The following GRAMD1B variants were observed in gnomAD, a reference collection of about 807,000 sequenced individuals.
The protein encoded by GRAMD1B is GRAM domain containing 1B.
In GRAMD1B, 37 loss-of-function variants were observed where a neutral mutation model predicts 99.7. The observed-to-expected ratio is 0.37, with a 90% confidence interval of 0.29 to 0.49. The LOEUF (loss-of-function observed/expected upper bound fraction) is 0.49. Among genes scored for constraint, GRAMD1B ranks in the 20% least tolerant of loss-of-function variants. GRAMD1B has a pLI of 0.98. For synonymous variants in GRAMD1B, 427 were observed against 387.6 expected, an observed-to-expected ratio of 1.10 and a Z score of -1.19; for missense variants, 888 against 1,009.2, an observed-to-expected ratio of 0.88 and a Z score of 1.63.
chr11:123,622,537 G>C lies in GRAMD1B; in HGVS notation c.2576G>C (p.Gly859Ala). 1 of 1,558,570 alleles carries C rather than the reference G, an allele frequency of 6.4e-7. No homozygotes were observed. The highest frequency in any genetic ancestry group is 1.7e-4 in the Middle Eastern group (1 of 5,998). Reference sequence around the variant, plus strand: ...GACTCGCTCATCAACCTTCAGAACGGCATCAGGTCCCGCGACTACACGTCG... The same window carrying C: ...GACTCGCTCATCAACCTTCAGAACGCCATCAGGTCCCGCGACTACACGTCG... ...MKDSLINLQN[G>A]IRSRDYTSES... The change falls in exon 20 of 20, where the codon GGC (glycine) becomes GCC (alanine). Residue 859 changes from glycine (G) to alanine (A), a missense_variant. By Grantham distance (60) the Gly-to-Ala change is moderately conservative (BLOSUM62 0). Transcript: ENST00000635736.
intron 1 of GRAMD1B, among the ~76,000 whole-genome samples, chr11:123,456,920 A>G (rs2714037): frequency 2.4e-5 from 1 of 41,506 alleles, no homozygotes; most frequent in South Asian, 5.3e-4. Flanking sequence ...ACTCTGTCTC[A>G]AAAAAAAAAA....
chr11:123,367,913 G>C (rs1252795793), intron 1 of GRAMD1B, among the ~76,000 whole-genome samples: 1 of 152,054 alleles, frequency 6.6e-6, no homozygotes, highest in Non-Finnish European at 1.5e-5. Context: ...TTAAAGAATA[G>C]TCATCAAAAT....
In GRAMD1B at chr11:123,527,791, G is replaced by A. The variant is rs79951004; in HGVS notation, c.452+46898G>A. Among the ~76,000 whole-genome samples the A allele has an allele frequency of 2.1e-4, 32 of 152,176 alleles. No homozygotes were observed. In the East Asian group the frequency reaches 5.2e-3, roughly 25 times the overall value. ...CCTGCTGTCAGCACACCCAACTTGG[G>A]GCTGAGGGGTAGCTTGGCTGTCATT... On this transcript the variant is annotated intron_variant, in intron 2 of 19. Transcript: ENST00000635736.
At chr11:123,569,816 A>G (rs1466229632) in intron 2 of GRAMD1B, among the ~76,000 whole-genome samples, 1 of 152,246 alleles carries the variant, frequency 6.6e-6, no homozygotes, top group Non-Finnish European at 1.5e-5. Flanking sequence ...GGGACTAGTC[A>G]TCAGCGTTTA....
intron 7 of GRAMD1B, chr11:123,598,567 G>C: frequency 6.4e-7 from 1 of 1,554,560 alleles, no homozygotes; most frequent in Non-Finnish European, 8.9e-7. Context: ...GAGGTATCAA[G>C]TGACTCTAGG....
Position 123,573,204 on chromosome 11 carries a change from T to A in GRAMD1B, c.453-4163T>A, listed in dbSNP as rs1325325874. On this transcript the variant is annotated intron_variant, in intron 2 of 19. Transcript: ENST00000635736. ...TAGACCCCGATGGCTGAGGCAGAGGTGCACTGGAAATGTAGCCAGTGTTGG... is the reference window on the plus strand; with the variant it reads ...TAGACCCCGATGGCTGAGGCAGAGGAGCACTGGAAATGTAGCCAGTGTTGG... Among the ~76,000 whole-genome samples the A allele has an allele frequency of 5.9e-5, 9 of 152,092 alleles. No individual in the cohort carries two copies. In the East Asian group the frequency reaches 1.7e-3, roughly 29 times the overall value.
chr11:123,601,260 C>T (rs757192683), intron 8 of GRAMD1B, among the ~76,000 whole-genome samples: 2 of 152,054 alleles, frequency 1.3e-5, no homozygotes, highest in Non-Finnish European at 2.9e-5. Context: ...ACAGCCACCA[C>T]GAATTGACTA....
chr11:123,391,944 T>A (rs962465260), intron 1 of GRAMD1B, among the ~76,000 whole-genome samples: 1 of 152,086 alleles, frequency 6.6e-6, no homozygotes, highest in African/African-American at 2.4e-5. Flanking sequence ...GTCAGGAGAT[T>A]AGTGACAAAT....
At chr11:123,545,640 T>A (rs1944976950) in intron 2 of GRAMD1B, among the ~76,000 whole-genome samples, 1 of 152,232 alleles carries the variant, frequency 6.6e-6, no homozygotes, top group Admixed American at 6.5e-5. Flanking sequence ...ATGATAGTGC[T>A]CATTAAATAG....
chr11:123,534,706 T>TA (rs917812402), intron 2 of GRAMD1B, among the ~76,000 whole-genome samples: 12 of 150,692 alleles, frequency 8.0e-5, no homozygotes, highest in Non-Finnish European at 1.0e-4. Flanking sequence ...CTACTAAAAA[T>TA]AAAAAAAAAT....
chr11:123,619,271 G>C (rs568404133), intron 19 of GRAMD1B, 47 bp downstream of exon 19: 28 of 1,546,852 alleles, frequency 1.8e-5, no homozygotes, highest in Non-Finnish European at 2.4e-5. Flanking sequence ...TGGGAGCGGG[G>C]ACTCCTTCCC....
intron 2 of GRAMD1B, among the ~76,000 whole-genome samples, chr11:123,537,519 G>A (rs1944089850): frequency 6.6e-6 from 1 of 152,158 alleles, no homozygotes; most frequent in African/African-American, 2.4e-5. Context: ...TGCTGTGCTG[G>A]TTGCACATTA....
intron 1 of GRAMD1B, among the ~76,000 whole-genome samples, chr11:123,419,580 A>G (rs978986777): frequency 1.3e-5 from 2 of 152,106 alleles, no homozygotes; most frequent in Admixed American, 1.3e-4. Flanking sequence ...GCAGTAAACT[A>G]TGATTGTGCT....
At chr11:123,619,051 G>T (rs1289047225) in intron 18 of GRAMD1B, 56 bp from the exon 19 acceptor site, 58 of 973,278 alleles carry the variant, frequency 6.0e-5, no homozygotes, top group Non-Finnish European at 8.5e-5. Flanking sequence ...GGGAGCCCAG[G>T]ACAGTTCGCT....
At chr11:123,483,481 G>A (rs1253992147) in intron 2 of GRAMD1B, among the ~76,000 whole-genome samples, 1 of 151,240 alleles carries the variant, frequency 6.6e-6, no homozygotes, top group Non-Finnish European at 1.5e-5. Flanking sequence ...CTGCCTCTAG[G>A]GTTCAAGTGA....
intron 6 of GRAMD1B, among the ~76,000 whole-genome samples, chr11:123,595,581 C>T (rs1029656817): frequency 6.6e-6 from 1 of 152,138 alleles, no homozygotes; most frequent in Non-Finnish European, 1.5e-5. Context: ...GATGTGAGCC[C>T]TGTGCCCAGC....
At chr11:123,362,858 C>T (rs1228188761) in intron 1 of GRAMD1B, among the ~76,000 whole-genome samples, 2 of 151,996 alleles carry the variant, frequency 1.3e-5, no homozygotes, top group Non-Finnish European at 2.9e-5. Flanking sequence ...CCCCGGAAGG[C>T]AAGGGCAGCC....
intron 1 of GRAMD1B, among the ~76,000 whole-genome samples, chr11:123,388,817 A>G (rs950600589): frequency 6.6e-6 from 1 of 152,210 alleles, no homozygotes; most frequent in South Asian, 2.1e-4. Flanking sequence ...GAACCCAGCC[A>G]TGCTGGCACC....
Position 123,407,870 on chromosome 11 carries a change from T to G in GRAMD1B, c.-176+49071T>G, listed in dbSNP as rs147620083. 7.0e-4 allele frequency among the ~76,000 whole-genome samples: 106 copies of G among 152,322 alleles called. 2 individuals are homozygous for G. The East Asian group carries it at 0.014, about 20-fold the overall frequency. ...AGCAAAGCCTCAGCTCCCCAGGGGC[T>G]CACAGTCTAGGCTTTTCCATAGACA... On this transcript the variant is annotated intron_variant, in intron 1 of 20. Transcript: ENST00000638157.
Sources: gnomAD v4.1 joint callset for allele counts (sites outside exome capture counted in the v4.1 genomes callset) on GRCh38, gnomAD v4.1.1 for gene constraint, MANE v1.5 for transcripts, NCBI Gene and HGNC (gene_info 2026-07-23, HGNC 2026-07-21) for gene names.